The following GALNT17 variants were observed in gnomAD, a reference collection of about 807,000 sequenced individuals.
GALNT17 encodes polypeptide N-acetylgalactosaminyltransferase 17, also known as UDP-GalNAc:polypeptide N-acetylgalactosaminyltransferase-like 3.
Under a neutral mutation model 63.7 loss-of-function variants are expected in GALNT17, and 29 were observed. The ratio of observed to expected loss-of-function variants is 0.46; its 90% CI spans 0.34 to 0.62. The LOEUF (loss-of-function observed/expected upper bound fraction) is 0.62, where lower values mean the gene tolerates loss of function less well. Among genes scored for constraint, GALNT17 ranks in the 20% least tolerant of loss-of-function variants. The pLI, the probability that GALNT17 is intolerant of heterozygous loss-of-function variation, is 0.01. For missense variants in GALNT17, 603 were observed against 799.6 expected, an observed-to-expected ratio of 0.75 and a Z score of 2.97; for synonymous variants, 305 against 318.3, an observed-to-expected ratio of 0.96 and a Z score of 0.45.
chr7:71,369,095 G>C (rs1563040458), intron 2 of GALNT17, among the ~76,000 whole-genome samples: 1 of 152,160 alleles, frequency 6.6e-6, no homozygotes, highest in Non-Finnish European at 1.5e-5. Context: ...TACAATTATA[G>C]GTTCTTCAAT....
intron 1 of GALNT17, among the ~76,000 whole-genome samples, chr7:71,193,454 CTTTTTTTTT>C (rs1159902249): frequency 2.8e-5 from 3 of 107,324 alleles, no homozygotes; most frequent in East Asian, 2.9e-4. Flanking sequence ...ACGCTTTTGT[CTTTTTTTTT>C]TTTTTTTTTT....
At chr7:71,597,273 T>A (rs1376170173) in intron 6 of GALNT17, among the ~76,000 whole-genome samples, 3 of 152,076 alleles carry the variant, frequency 2.0e-5, no homozygotes. Flanking sequence ...TCTCCTAACC[T>A]TGTGATCCAC....
rs190270250 is a variant in GALNT17 at position 71,443,033 on chromosome 7, G to T, written c.962+21928G>T. On this transcript the variant is annotated intron_variant, in intron 5 of 10. Coordinates refer to ENST00000333538, the MANE Select transcript of GALNT17 (RefSeq NM_022479.3). ...AATTTCCGACTGTGGTTTCTGTGGC[G>T]GCTGCAGGAGGTTTCAGCTGGTGGC... Among the ~76,000 whole-genome samples, 328 of 152,238 alleles carry T rather than the reference G, an allele frequency of 2.2e-3. 1 individual carries two copies. The highest frequency in any genetic ancestry group is 7.6e-3 in the African/African-American group (317 of 41,550).
At chr7:71,239,378 A>G (rs1179862936) in intron 1 of GALNT17, among the ~76,000 whole-genome samples, 1 of 152,056 alleles carries the variant, frequency 6.6e-6, no homozygotes, top group Non-Finnish European at 1.5e-5. Context: ...GGACTGAGGC[A>G]AAAGGATCAC....
rs565288895 is a variant in GALNT17, at chr7:71,217,825, G to A, written c.238+84785G>A. ...TGCCTGTAGTCCCAGCTACTCGGGA[G>A]GCTGAGGCAGGAGAATGGTGTGAAC... On this transcript the variant is annotated intron_variant, in intron 1 of 10. Coordinates refer to ENST00000333538, the MANE Select transcript of GALNT17 (RefSeq NM_022479.3). 2.6e-5 allele frequency among the ~76,000 whole-genome samples: 4 copies of A among 152,140 alleles called. No homozygotes were observed. In the East Asian group the frequency reaches 7.8e-4, roughly 30 times the overall value.
intron 2 of GALNT17, among the ~76,000 whole-genome samples, chr7:71,363,919 C>T (rs1402040927): frequency 6.6e-6 from 1 of 152,188 alleles, no homozygotes; most frequent in African/African-American, 2.4e-5. Flanking sequence ...CAGTTTGTTT[C>T]CATATCCAGT....
chr7:71,494,935 A>G (rs1402353779), intron 5 of GALNT17, among the ~76,000 whole-genome samples: 1 of 152,144 alleles, frequency 6.6e-6, no homozygotes, highest in Non-Finnish European at 1.5e-5. Flanking sequence ...TATGGAGGCA[A>G]CTGCCCCCAT....
chr7:71,684,355 C>T (rs1211513969), intron 9 of GALNT17, among the ~76,000 whole-genome samples: 2 of 152,192 alleles, frequency 1.3e-5, no homozygotes, highest in African/African-American at 2.4e-5. Context: ...AGGGGTAGTG[C>T]TGACCCCAGG....
chr7:71,652,638 G>A (rs1469906265), intron 6 of GALNT17, among the ~76,000 whole-genome samples: 2 of 152,182 alleles, frequency 1.3e-5, no homozygotes, highest in Admixed American at 6.5e-5. Context: ...ATTTGCCTGC[G>A]CTTGGATTAC....
At chr7:71,343,369 T>C (rs912725893) in intron 2 of GALNT17, among the ~76,000 whole-genome samples, 1 of 152,236 alleles carries the variant, frequency 6.6e-6, no homozygotes, top group African/African-American at 2.4e-5. Context: ...CAAGTTGCTT[T>C]AATTCTTACT....
At chr7:71,133,161 G>T (rs994321611) in intron 1 of GALNT17, 121 bp downstream of exon 1, 62 of 869,706 alleles carry the variant, frequency 7.1e-5, no homozygotes, top group South Asian at 1.6e-4. Context: ...GCTCCCGCGC[G>T]CTCCTTCTTA....
At chr7:71,677,066 A>G in intron 8 of GALNT17, 145 bp from the exon 9 acceptor site, 1 of 793,344 alleles carries the variant, frequency 1.3e-6, no homozygotes, top group Non-Finnish European at 2.2e-6. Flanking sequence ...TGATCACCGC[A>G]AAGATTTGAG....
At chr7:71,389,760 A>G (rs1164412537) in intron 3 of GALNT17, among the ~76,000 whole-genome samples, 2 of 152,150 alleles carry the variant, frequency 1.3e-5, no homozygotes. Context: ...CGTGTTAGGA[A>G]CTGTTTATCT....
chr7:71,670,110 G>T lies in GALNT17; in HGVS notation c.1404+1G>T. ...CAATAATACCGTTGCTTACGGGGAGGTAATTCAGACCGTGCATGCTTTTGG... is the reference window on the plus strand; with the variant it reads ...CAATAATACCGTTGCTTACGGGGAGTTAATTCAGACCGTGCATGCTTTTGG... On this transcript the variant is annotated splice_donor_variant, in intron 8 of 10. Transcript: ENST00000333538. LOFTEE classifies it high-confidence loss of function. 3 of 1,614,046 alleles carry T rather than the reference G, an allele frequency of 1.9e-6. No individual in the cohort carries two copies. Among genetic ancestry groups the T allele is most frequent in the Non-Finnish European group, 2.5e-6 (3 of 1,179,956 alleles).
At chr7:71,684,511 C>G (rs1791321954) in intron 9 of GALNT17, among the ~76,000 whole-genome samples, 1 of 152,168 alleles carries the variant, frequency 6.6e-6, no homozygotes, top group African/African-American at 2.4e-5. Flanking sequence ...TGTTCCAGCC[C>G]CTGCCTAGGG....
intron 6 of GALNT17, among the ~76,000 whole-genome samples, chr7:71,655,896 G>A (rs1034641639): frequency 6.6e-6 from 1 of 152,114 alleles, no homozygotes; most frequent in African/African-American, 2.4e-5. Flanking sequence ...AGTTCTATAA[G>A]GGCCCTTGGT....
At chr7:71,466,396 A>C (rs1787535976) in intron 5 of GALNT17, among the ~76,000 whole-genome samples, 1 of 152,200 alleles carries the variant, frequency 6.6e-6, no homozygotes, top group African/African-American at 2.4e-5. Flanking sequence ...TGTAGCAATA[A>C]GGTACCAACT....
At chr7:71,174,054 T>TC (rs1585857502) in intron 1 of GALNT17, among the ~76,000 whole-genome samples, 2 of 152,188 alleles carry the variant, frequency 1.3e-5, no homozygotes, top group Non-Finnish European at 2.9e-5. Flanking sequence ...CAAGAGATTC[T>TC]TCAGTTCCCT....
At position 71,562,200 on chromosome 7, in the gene GALNT17, A is replaced by G. The variant is rs529611507; in HGVS notation, c.963-9085A>G. Among the ~76,000 whole-genome samples the G allele has an allele frequency of 2.3e-4, 35 of 152,152 alleles. 1 individual carries two copies. The South Asian group carries it at 7.3e-3, about 32-fold the overall frequency. ...GTCTGTTCTCAAACTCCTGGACTCA[A>G]GCAATCCTCTAGCCTTGGCCTCCCA... is the stretch of plus-strand genomic sequence containing the variant. On this transcript the variant is annotated intron_variant, in intron 5 of 10. Coordinates refer to ENST00000333538, the MANE Select transcript of GALNT17 (RefSeq NM_022479.3).
Sources: allele counts gnomAD v4.1 joint callset (sites outside exome capture counted in the v4.1 genomes callset), GRCh38; gene constraint gnomAD v4.1.1; transcripts MANE v1.5; gene names NCBI Gene and HGNC (gene_info 2026-07-23, HGNC 2026-07-21).